The following FBLN7 variants were observed in gnomAD, a reference collection of about 807,000 sequenced individuals.
The protein encoded by FBLN7 is fibulin 7, also known as fibulin-7.
In FBLN7, 31 loss-of-function variants were observed where a neutral mutation model predicts 44.0. The observed-to-expected ratio is 0.70, with a 90% CI of 0.53 to 0.95. The LOEUF is 0.95. FBLN7 is among the 40% of genes least tolerant of loss of function. The probability of loss-of-function intolerance (pLI) is 0.00; values close to 1 mark genes in which losing one functional copy is unlikely to be tolerated. For synonymous variants in FBLN7, 262 were observed against 253.4 expected, an observed-to-expected ratio of 1.03 and a Z score of -0.32; for missense variants, 573 against 618.5, an observed-to-expected ratio of 0.93 and a Z score of 0.78.
At chr2:112,223,040 A>G in the FBLN7 span, among the ~76,000 whole-genome samples, 1 of 152,186 alleles carries the variant, frequency 6.6e-6, no homozygotes, top group East Asian at 1.9e-4. Flanking sequence ...GTTCTCACTC[A>G]TAGGTGGGAA....
chr2:112,154,654 G>A (rs774983140), intron 1 of FBLN7, among the ~76,000 whole-genome samples: 2 of 152,170 alleles, frequency 1.3e-5, no homozygotes, highest in Non-Finnish European at 2.9e-5. Flanking sequence ...TTGAGGGTCC[G>A]GCCGGCTTCC....
chr2:112,142,792 G>A (rs1465209697), intron 1 of FBLN7, among the ~76,000 whole-genome samples: 4 of 144,870 alleles, frequency 2.8e-5, no homozygotes, highest in African/African-American at 1.1e-4. Flanking sequence ...GTCAATAGAT[G>A]TATGTGTCTC....
chr2:112,236,536 A>G, the FBLN7 span: 1 of 1,607,504 alleles, frequency 6.2e-7, no homozygotes, highest in Non-Finnish European at 8.5e-7. Context: ...GGGGTCAGGT[A>G]TTCCTAGAAG....
chr2:112,216,008 TA>T, the FBLN7 span: 1 of 152,148 alleles, frequency 6.6e-6, no homozygotes, highest in South Asian at 2.1e-4. Context: ...TGTGAACCAT[TA>T]AAAATATGTT....
chr2:112,169,660 G>A (rs1682348469), intron 3 of FBLN7, among the ~76,000 whole-genome samples: 1 of 152,186 alleles, frequency 6.6e-6, no homozygotes, highest in Admixed American at 6.5e-5. Context: ...GGTGCCAGAT[G>A]CCAGGGACTC....
chr2:112,181,986 G>C, intron 5 of FBLN7, 110 bp downstream of exon 5: 8 of 1,345,390 alleles, frequency 5.9e-6, no homozygotes, highest in Non-Finnish European at 7.8e-6. Flanking sequence ...TCCTGCGCGC[G>C]GTCTCAGAAG....
chr2:112,157,128 G>A (rs1482055462), intron 1 of FBLN7, among the ~76,000 whole-genome samples: 1 of 152,208 alleles, frequency 6.6e-6, no homozygotes, highest in East Asian at 1.9e-4. Context: ...CCAGCGCTTT[G>A]GGAGGCCAAG....
the FBLN7 span, among the ~76,000 whole-genome samples, chr2:112,218,649 T>G: frequency 6.6e-6 from 1 of 152,144 alleles, no homozygotes; most frequent in Admixed American, 6.5e-5. Context: ...ACTGGAAAAT[T>G]TTTTGGAGAT....
At chr2:112,188,233 C>G (rs925041916), downstream of FBLN7, 6 of 152,198 alleles carry the variant, frequency 3.9e-5, no homozygotes, top group Non-Finnish European at 5.9e-5. Flanking sequence ...TGACTTCTAC[C>G]TGAGCATGAG....
At chr2:112,243,752 A>G in the FBLN7 span, among the ~76,000 whole-genome samples, 45,525 of 151,880 alleles carry the variant, frequency 0.3, 7,010 homozygotes, top group African/African-American at 0.34. Context: ...TAAAATATTT[A>G]TTGTCTTGTC....
At position 112,187,377 on chromosome 2, in the gene FBLN7, C is replaced by T. The variant is rs779612135; in HGVS notation, c.1191C>T (p.Ile397=). ...QRSDRQTGDL[I]LVQNLEGPQT... ...CAGACCGGCAGACTGGGGATCTGAT[C>T]CTTGTGCAGAACCTGGAGGGGCCTC... Residue 397 remains isoleucine (I), a synonymous_variant, in exon 8 of 8, where the codon ATC becomes ATT. Transcript: ENST00000331203. This position sits in a 1 kb window ranked among gnomAD's most constrained non-coding sequence, Gnocchi z 5.1. 5.6e-6 allele frequency: 9 copies of T among 1,614,076 alleles called. No individual in the cohort carries two copies. In the Admixed American group the frequency reaches 6.7e-5, roughly 12 times the overall value.
intron 3 of FBLN7, among the ~76,000 whole-genome samples, chr2:112,165,895 T>A (rs1277613979): frequency 6.6e-6 from 1 of 152,218 alleles, no homozygotes; most frequent in Non-Finnish European, 1.5e-5. Context: ...GTCAAAAAAA[T>A]CTTGGCTACC....
the FBLN7 span, among the ~76,000 whole-genome samples, chr2:112,216,722 C>T: frequency 3.3e-4 from 48 of 146,984 alleles, no homozygotes; most frequent in East Asian, 8.5e-3. Context: ...CAAGAGTTGA[C>T]TAACCTCAGA....
intron 1 of FBLN7, among the ~76,000 whole-genome samples, chr2:112,143,572 A>T (rs577439678): frequency 1.3e-5 from 2 of 152,154 alleles, no homozygotes; most frequent in Non-Finnish European, 2.9e-5. Context: ...TAACCATGGA[A>T]CTATATTCTA....
the FBLN7 span, among the ~76,000 whole-genome samples, chr2:112,244,122 C>T: frequency 6.6e-6 from 1 of 151,784 alleles, no homozygotes; most frequent in Non-Finnish European, 1.5e-5. Context: ...GATTCACAAT[C>T]GCATAGAATT....
the FBLN7 span, among the ~76,000 whole-genome samples, chr2:112,227,609 A>G: frequency 6.6e-6 from 1 of 152,254 alleles, no homozygotes; most frequent in Non-Finnish European, 1.5e-5. Context: ...AACCTACTAG[A>G]GCTAATAAAT....
the FBLN7 span, among the ~76,000 whole-genome samples, chr2:112,193,295 G>C: frequency 1.3e-5 from 2 of 152,162 alleles, no homozygotes; most frequent in African/African-American, 4.8e-5. Context: ...ATAAAAATTA[G>C]CTGGGTGTGG....
At chr2:112,171,915 T>G (rs1487659215) in intron 3 of FBLN7, among the ~76,000 whole-genome samples, 2 of 151,970 alleles carry the variant, frequency 1.3e-5, no homozygotes, top group African/African-American at 2.4e-5. Context: ...CCCGGCTAAT[T>G]TTTTTGTATT....
chr2:112,193,687 G>A, the FBLN7 span, among the ~76,000 whole-genome samples: 1 of 152,322 alleles, frequency 6.6e-6, no homozygotes, highest in African/African-American at 2.4e-5. Context: ...TCACTTGGGT[G>A]TTGCAAACAC....
Sources: gnomAD v4.1 joint callset for allele counts (sites outside exome capture counted in the v4.1 genomes callset) on GRCh38, gnomAD v4.1.1 for gene constraint, Gnocchi (gnomAD v3.1) non-coding constraint, MANE v1.5 for transcripts, NCBI Gene and HGNC (gene_info 2026-07-23, HGNC 2026-07-21) for gene names.